PRKG1: variants seen among roughly 807,000 people sequenced by gnomAD.
PRKG1 encodes the protein protein kinase cGMP-dependent 1.
PRKG1 carries 35 observed loss-of-function variants against 88.1 expected under a neutral mutation model. The ratio of observed to expected loss-of-function variants is 0.40; its 90% CI spans 0.30 to 0.53. The LOEUF (loss-of-function observed/expected upper bound fraction) is 0.53. PRKG1 is among the 20% of genes least tolerant of loss of function. The pLI, the probability that PRKG1 is intolerant of heterozygous loss-of-function variation, is 0.59. For synonymous variants in PRKG1, 303 were observed against 292.5 expected, an observed-to-expected ratio of 1.04 and a Z score of -0.37; for missense variants, 540 against 839.8, an observed-to-expected ratio of 0.64 and a Z score of 4.41.
chr10:51,244,153 A>T (rs1250276540), intron 2 of PRKG1, among the ~76,000 whole-genome samples: 1 of 152,188 alleles, frequency 6.6e-6, no homozygotes, highest in Non-Finnish European at 1.5e-5. Context: ...TAAATATTTT[A>T]AAAATATATC....
chr10:51,080,568 G>C (rs1844083049), intron 1 of PRKG1, among the ~76,000 whole-genome samples: 1 of 152,186 alleles, frequency 6.6e-6, no homozygotes, highest in African/African-American at 2.4e-5. Context: ...AACTGGGTCT[G>C]TTGCTAGCAT....
chr10:51,269,823 C>G (rs953046907), intron 2 of PRKG1, among the ~76,000 whole-genome samples: 1 of 152,076 alleles, frequency 6.6e-6, no homozygotes, highest in Non-Finnish European at 1.5e-5. Flanking sequence ...ATGAACTTAT[C>G]CATGTAAACA....
chr10:52,158,083 A>G (rs1838174792), intron 8 of PRKG1, among the ~76,000 whole-genome samples: 1 of 151,760 alleles, frequency 6.6e-6, no homozygotes, highest in Admixed American at 6.6e-5. Flanking sequence ...ACATGTCTTT[A>G]ATTTCTTCCG....
chr10:51,850,432 C>T (rs558842757), intron 4 of PRKG1, among the ~76,000 whole-genome samples: 1 of 152,170 alleles, frequency 6.6e-6, no homozygotes, highest in South Asian at 2.1e-4. Context: ...CTGCCTTGGC[C>T]TCCCAAAATG....
At chr10:51,227,677 T>G (rs368015847) in intron 2 of PRKG1, among the ~76,000 whole-genome samples, 9 of 152,286 alleles carry the variant, frequency 5.9e-5, no homozygotes, top group African/African-American at 2.2e-4. Flanking sequence ...AGTTTGGTTT[T>G]AAAAGAAAAG....
chr10:52,273,528 G>C (rs1056481332), intron 12 of PRKG1, among the ~76,000 whole-genome samples: 2 of 152,002 alleles, frequency 1.3e-5, no homozygotes, highest in Admixed American at 6.6e-5. Context: ...CTTATGAACT[G>C]TTGATTTAAA....
At chr10:51,949,641 G>C (rs912377519) in intron 5 of PRKG1, among the ~76,000 whole-genome samples, 11 of 152,234 alleles carry the variant, frequency 7.2e-5, no homozygotes, top group African/African-American at 2.6e-4. Flanking sequence ...AGATTGGCTA[G>C]AGTACAGCCT....
chr10:51,123,173 T>G (rs1193299864), intron 1 of PRKG1, among the ~76,000 whole-genome samples: 1 of 152,214 alleles, frequency 6.6e-6, no homozygotes, highest in African/African-American at 2.4e-5. Flanking sequence ...TGATGGGCAT[T>G]GACACTTCCA....
In PRKG1 at chr10:51,327,995, CTATT is replaced by C. The variant is rs565138491; in HGVS notation, c.479-139727_479-139724del. On this transcript the variant is annotated intron_variant, in intron 2 of 17. Coordinates refer to ENST00000373980, the MANE Select transcript of PRKG1 (RefSeq NM_006258.4). Reference sequence around the variant, plus strand: ...TTTTTGTGGTGAGAACACTTTATATCTATTAGCATTTTTCAAGAACACGGGAATA... The same window carrying C: ...TTTTTGTGGTGAGAACACTTTATATCAGCATTTTTCAAGAACACGGGAATA... Among the ~76,000 whole-genome samples the C allele has an allele frequency of 3.2e-3, 482 of 152,240 alleles. 4 individuals carry two copies. The highest frequency in any genetic ancestry group is 0.011 in the African/African-American group (452 of 41,540).
At chr10:51,843,093 CTTT>C (rs1167219822) in intron 4 of PRKG1, among the ~76,000 whole-genome samples, 1,122 of 87,794 alleles carry the variant, frequency 0.013, 5 homozygotes, top group African/African-American at 0.045. Context: ...GAAAATTATT[CTTT>C]TTTTTTTTTT....
chr10:51,056,780 G>A (rs983211663), intron 1 of PRKG1, among the ~76,000 whole-genome samples: 9 of 151,874 alleles, frequency 5.9e-5, no homozygotes, highest in Admixed American at 4.6e-4. Flanking sequence ...CCTTTCACCC[G>A]CTCACCTTTC....
intron 2 of PRKG1, among the ~76,000 whole-genome samples, chr10:51,311,365 T>C (rs976110363): frequency 3.9e-5 from 6 of 152,202 alleles, no homozygotes; most frequent in Admixed American, 6.5e-5. Flanking sequence ...TTAAAAAATA[T>C]TTGCTGAATA....
At chr10:51,482,145 A>G (rs1840381919) in intron 3 of PRKG1, among the ~76,000 whole-genome samples, 1 of 152,212 alleles carries the variant, frequency 6.6e-6, no homozygotes, top group Admixed American at 6.5e-5. Flanking sequence ...CAGTTCTTCC[A>G]GTACAAACTA....
rs115999743 is a variant in PRKG1, at chr10:52,288,643, C to A, written c.1710-83C>A. The A allele has an allele frequency of 3.3e-4, 459 of 1,371,390 alleles. 1 individual carries two copies. The African/African-American group carries it at 6.3e-3, about 19-fold the overall frequency. 85.0% of individuals were successfully genotyped at this position (1,371,390 alleles called of 1,614,324 possible). ...TAAGCCCCCAAATATGAATTGATGT[C>A]ATCTGTGGAGTTTATAGCAATTCAA... On this transcript the variant is annotated intron_variant, in intron 14 of 17. Coordinates refer to ENST00000373980, the MANE Select transcript of PRKG1 (RefSeq NM_006258.4).
intron 8 of PRKG1, among the ~76,000 whole-genome samples, chr10:52,142,957 A>G (rs1056983746): frequency 1.3e-5 from 2 of 152,190 alleles, no homozygotes; most frequent in Non-Finnish European, 2.9e-5. Flanking sequence ...AGCACCTACT[A>G]TCTATTGAAA....
chr10:52,200,566 T>C (rs1839638347), intron 9 of PRKG1, among the ~76,000 whole-genome samples: 1 of 152,198 alleles, frequency 6.6e-6, no homozygotes, highest in Non-Finnish European at 1.5e-5. Flanking sequence ...TTCCTTTGGG[T>C]ATATACTCAA....
intron 3 of PRKG1, among the ~76,000 whole-genome samples, chr10:51,508,909 G>A (rs923805779): frequency 1.3e-5 from 2 of 152,086 alleles, no homozygotes; most frequent in Non-Finnish European, 1.5e-5. Flanking sequence ...ATTGCTATTA[G>A]CTATATTGAT....
chr10:52,179,639 C>A (rs2132725167), intron 9 of PRKG1, among the ~76,000 whole-genome samples: 1 of 152,170 alleles, frequency 6.6e-6, no homozygotes, highest in Admixed American at 6.5e-5. Context: ...TCTCACAGGG[C>A]TTGGGAGATT....
chr10:52,268,671 C>T (rs1841636720), intron 10 of PRKG1, among the ~76,000 whole-genome samples: 1 of 151,924 alleles, frequency 6.6e-6, no homozygotes, highest in Non-Finnish European at 1.5e-5. Context: ...GCAGCATATA[C>T]TGGAAATAGC....
Sources: allele counts gnomAD v4.1 joint callset (sites outside exome capture counted in the v4.1 genomes callset), GRCh38; gene constraint gnomAD v4.1.1; transcripts MANE v1.5; gene names NCBI Gene and HGNC (gene_info 2026-07-23, HGNC 2026-07-21).